The following LINGO2 variants were observed in gnomAD, a reference collection of about 807,000 sequenced individuals.
LINGO2 encodes the protein leucine rich repeat and Ig domain containing 2.
Under a neutral mutation model 30.6 loss-of-function variants are expected in LINGO2, and 14 were observed. The ratio of observed to expected loss-of-function variants is 0.46; its 90% CI spans 0.30 to 0.72. The LOEUF is 0.72. Among genes scored for constraint, LINGO2 ranks in the 30% least tolerant of loss-of-function variants. The probability of loss-of-function intolerance (pLI) is 0.07; values close to 1 mark genes in which losing one functional copy is unlikely to be tolerated. For synonymous variants in LINGO2, 317 were observed against 288.5 expected, an observed-to-expected ratio of 1.10 and a Z score of -1.00; for missense variants, 729 against 751.7, an observed-to-expected ratio of 0.97 and a Z score of 0.35.
chr9:29,050,138 G>A, the LINGO2 span, among the ~76,000 whole-genome samples: 2 of 151,798 alleles, frequency 1.3e-5, no homozygotes, highest in Non-Finnish European at 1.5e-5. Flanking sequence ...CAATTCTCCC[G>A]CCTCAGCCTC....
downstream of LINGO2, among the ~76,000 whole-genome samples, chr9:27,946,912 G>A (rs1823385913): frequency 6.6e-6 from 1 of 151,928 alleles, no homozygotes; most frequent in Non-Finnish European, 1.5e-5. Context: ...TAATTTCTGG[G>A]CTTATCCTAC....
the LINGO2 span, among the ~76,000 whole-genome samples, chr9:28,858,961 C>T: frequency 5.3e-5 from 3 of 56,500 alleles, no homozygotes; most frequent in African/African-American, 2.2e-4. Context: ...GAGTGTTTTG[C>T]AGGCAGATCG....
At chr9:28,928,876 A>G in the LINGO2 span, among the ~76,000 whole-genome samples, 1 of 152,054 alleles carries the variant, frequency 6.6e-6, no homozygotes, top group Non-Finnish European at 1.5e-5. Context: ...GAGCTTCTGC[A>G]CTCCTGCCCA....
At chr9:28,829,161 G>T in the LINGO2 span, among the ~76,000 whole-genome samples, 1 of 152,188 alleles carries the variant, frequency 6.6e-6, no homozygotes, top group Admixed American at 6.5e-5. Flanking sequence ...CTTGACTTCA[G>T]AGGGACAGCT....
At chr9:29,048,126 A>T in the LINGO2 span, among the ~76,000 whole-genome samples, 1 of 152,090 alleles carries the variant, frequency 6.6e-6, no homozygotes, top group Non-Finnish European at 1.5e-5. Flanking sequence ...TAATAATAAT[A>T]AAAATAAAAT....
the LINGO2 span, among the ~76,000 whole-genome samples, chr9:29,062,714 G>A: frequency 1.3e-5 from 2 of 152,110 alleles, no homozygotes; most frequent in African/African-American, 2.4e-5. Context: ...TAATGGGAAT[G>A]GAGTTTCAAT....
At chr9:28,540,019 G>C (rs1331894789) in intron 1 of LINGO2, among the ~76,000 whole-genome samples, 1 of 152,070 alleles carries the variant, frequency 6.6e-6, no homozygotes, top group Non-Finnish European at 1.5e-5. Context: ...ATTTGGAAAG[G>C]GTTTCCAGAC....
At chr9:28,006,142 A>G (rs974243301) in intron 5 of LINGO2, among the ~76,000 whole-genome samples, 2 of 152,124 alleles carry the variant, frequency 1.3e-5, no homozygotes, top group Non-Finnish European at 2.9e-5. Flanking sequence ...CTCCTTCCGG[A>G]AGAAAAAAAG....
At chr9:27,949,163 G>T (rs369907065) in exon 6 of LINGO2, 32 of 1,613,964 alleles carry the variant, frequency 2.0e-5, no homozygotes, top group Non-Finnish European at 2.6e-5. Context: ...GATCTGAAGC[G>T]AATCCTTTCA....
chr9:29,136,892 G>T, the LINGO2 span, among the ~76,000 whole-genome samples: 1 of 152,034 alleles, frequency 6.6e-6, no homozygotes. Context: ...CATGTCATTT[G>T]TAGGAACTCA....
At position 28,055,209 on chromosome 9, in the gene LINGO2, T is replaced by TGGC. The variant is rs1479120382; in HGVS notation, c.-86-42805_-86-42804insGCC. ...AATTTTTTAAGTTTCTGCAGACAATTTCTTATGAACGTGAAAATAACTTAC... is the reference window on the plus strand; with the variant it reads ...AATTTTTTAAGTTTCTGCAGACAATTGGCTCTTATGAACGTGAAAATAACTTAC... On this transcript the variant is annotated intron_variant, in intron 4 of 5. Coordinates refer to ENST00000379992, the Ensembl canonical transcript of LINGO2. 2.0e-5 allele frequency among the ~76,000 whole-genome samples: 3 copies of TGGC among 152,170 alleles called. No homozygotes were observed. The East Asian group carries it at 5.8e-4, about 29-fold the overall frequency.
chr9:28,848,300 C>CTATATATACACTATGCGTATATATACTA, the LINGO2 span, among the ~76,000 whole-genome samples: 3 of 94,126 alleles, frequency 3.2e-5, no homozygotes, highest in African/African-American at 2.0e-4. Context: ...TATATATATA[C>CTATATATACACTATGCGTATATATACTA]TATATATACG....
At chr9:29,163,348 T>A in the LINGO2 span, among the ~76,000 whole-genome samples, 4 of 152,322 alleles carry the variant, frequency 2.6e-5, no homozygotes, top group South Asian at 8.3e-4. Context: ...CAATATTAAC[T>A]CTTCCTTTGA....
the LINGO2 span, among the ~76,000 whole-genome samples, chr9:29,164,958 G>C: frequency 6.6e-6 from 1 of 151,906 alleles, no homozygotes; most frequent in African/African-American, 2.4e-5. Context: ...TACAACTGAG[G>C]TCAATATCTA....
the LINGO2 span, among the ~76,000 whole-genome samples, chr9:29,197,028 A>C: frequency 3.3e-5 from 5 of 152,124 alleles, no homozygotes; most frequent in African/African-American, 1.2e-4. Flanking sequence ...AGTCCATTTA[A>C]GTTCACTTAA....
the LINGO2 span, among the ~76,000 whole-genome samples, chr9:29,189,697 G>T: frequency 1.3e-5 from 2 of 152,238 alleles, no homozygotes; most frequent in African/African-American, 2.4e-5. Flanking sequence ...CCGAGATCAC[G>T]CCACTGCACT....
intron 4 of LINGO2, among the ~76,000 whole-genome samples, chr9:28,083,242 C>T (rs1825821926): frequency 6.6e-6 from 1 of 152,128 alleles, no homozygotes; most frequent in African/African-American, 2.4e-5. Flanking sequence ...CTGGGAAAGC[C>T]CTGTAGGGCT....
the LINGO2 span, among the ~76,000 whole-genome samples, chr9:29,098,677 T>G: frequency 3.9e-5 from 6 of 152,004 alleles, no homozygotes; most frequent in African/African-American, 1.4e-4. Flanking sequence ...AGCTAGGTCA[T>G]GTAAGAACTT....
chr9:28,281,548 G>A (rs889160281), intron 4 of LINGO2, among the ~76,000 whole-genome samples: 2 of 151,950 alleles, frequency 1.3e-5, no homozygotes, highest in Non-Finnish European at 1.5e-5. Context: ...AAAACTGAAT[G>A]ATCAACATCT....
Sources: allele counts gnomAD v4.1 joint callset (sites outside exome capture counted in the v4.1 genomes callset), GRCh38; gene constraint gnomAD v4.1.1; transcripts MANE v1.5; gene names NCBI Gene and HGNC (gene_info 2026-07-23, HGNC 2026-07-21).